Variants in PPP1R12B observed in about 807,000 individuals in gnomAD.
PPP1R12B encodes the protein myosin phosphatase target subunit 2.
In PPP1R12B, 76 loss-of-function variants were observed where a neutral mutation model predicts 126.1. The ratio of observed to expected loss-of-function variants is 0.60; its 90% CI spans 0.50 to 0.73. The LOEUF (loss-of-function observed/expected upper bound fraction) is 0.73, where lower values mean the gene tolerates loss of function less well. Ranked by LOEUF, PPP1R12B falls within the 30% of genes least tolerant of loss-of-function variation. The pLI, the probability that PPP1R12B is intolerant of heterozygous loss-of-function variation, is 0.00. For synonymous variants in PPP1R12B, 356 were observed against 434.7 expected (o/e 0.82, Z 2.25); for missense variants, 1,052 against 1,205.1 (o/e 0.87, Z 1.88).
chr1:202,513,836 G>A (rs1681811085), intron 18 of PPP1R12B, among the ~76,000 whole-genome samples: 1 of 152,142 alleles, frequency 6.6e-6, no homozygotes, highest in South Asian at 2.1e-4. Flanking sequence ...ACACAGTTTA[G>A]AACAGAGCCA....
At chr1:202,421,885 C>T (rs980029748) in intron 2 of PPP1R12B, among the ~76,000 whole-genome samples, 11 of 152,126 alleles carry the variant, frequency 7.2e-5, no homozygotes, top group African/African-American at 1.9e-4. Flanking sequence ...GCCATTTACC[C>T]GCTATGTGGT....
At chr1:202,476,060 T>A (rs1463009605) in intron 13 of PPP1R12B, among the ~76,000 whole-genome samples, 1 of 152,000 alleles carries the variant, frequency 6.6e-6, no homozygotes, top group African/African-American at 2.4e-5. Flanking sequence ...AAAAACTAGC[T>A]GAGTGTGGTG....
chr1:202,515,719 A>T (rs1682067700), intron 18 of PPP1R12B, among the ~76,000 whole-genome samples: 1 of 151,914 alleles, frequency 6.6e-6, no homozygotes, highest in South Asian at 2.1e-4. Context: ...ATGCCCAGCT[A>T]ATTCTTTTTA....
intron 13 of PPP1R12B, among the ~76,000 whole-genome samples, chr1:202,478,975 A>G (rs529350137): frequency 4.6e-5 from 7 of 152,234 alleles, no homozygotes; most frequent in Non-Finnish European, 1.0e-4. Flanking sequence ...AGAATTCAGT[A>G]TAATAGTGAT....
chr1:202,569,894 G>A (rs1688429023), intron 23 of PPP1R12B, among the ~76,000 whole-genome samples: 2 of 152,096 alleles, frequency 1.3e-5, no homozygotes, highest in Non-Finnish European at 2.9e-5. Context: ...GCTAAGAACT[G>A]GAAATCTACC....
chr1:202,360,895 T>C lies in PPP1R12B; in HGVS notation c.291+11753T>C, dbSNP rs1410443925. ...TTTCATATCTTTACCATTAGCTCTT[T>C]TTTTTTTTTTTTTGAGACGGAGTCT... is the stretch of plus-strand genomic sequence containing the variant. On this transcript the variant is annotated intron_variant, in intron 1 of 23. Transcript: ENST00000608999. Among the ~76,000 whole-genome samples, 7 of 146,364 alleles carry C rather than the reference T, an allele frequency of 4.8e-5. No homozygotes were observed. The East Asian group carries it at 1.4e-3, about 29-fold the overall frequency.
At chr1:202,519,824 A>G (rs1682581395) in intron 18 of PPP1R12B, among the ~76,000 whole-genome samples, 1 of 152,164 alleles carries the variant, frequency 6.6e-6, no homozygotes, top group Non-Finnish European at 1.5e-5. Context: ...AGCTATTAGA[A>G]ACAGACATGT....
At chr1:202,569,006 C>A in intron 22 of PPP1R12B, 141 bp from the exon 23 acceptor site, 1 of 779,702 alleles carries the variant, frequency 1.3e-6, no homozygotes, top group Non-Finnish European at 2.1e-6. Flanking sequence ...AGATAGTGCT[C>A]AGATCTCCTG....
intron 1 of PPP1R12B, among the ~76,000 whole-genome samples, chr1:202,379,241 G>C (rs2148481720): frequency 6.6e-6 from 1 of 152,204 alleles, no homozygotes; most frequent in South Asian, 2.1e-4. Flanking sequence ...TTCTCTTCTT[G>C]AAAAGAAATA....
At chr1:202,566,928 C>G (rs1330422083) in intron 21 of PPP1R12B, among the ~76,000 whole-genome samples, 4 of 152,184 alleles carry the variant, frequency 2.6e-5, no homozygotes, top group Non-Finnish European at 4.4e-5. Flanking sequence ...TAAATGTCTA[C>G]TGAATGTAAG....
chr1:202,380,603 C>G (rs951076759), intron 1 of PPP1R12B, among the ~76,000 whole-genome samples: 2 of 152,274 alleles, frequency 1.3e-5, no homozygotes, highest in African/African-American at 2.4e-5. Context: ...CTCAACACCC[C>G]CCCCATTCCT....
intron 21 of PPP1R12B, among the ~76,000 whole-genome samples, chr1:202,566,022 A>C (rs1425135373): frequency 6.6e-6 from 1 of 152,200 alleles, no homozygotes; most frequent in African/African-American, 2.4e-5. Context: ...GGTTCTTGTC[A>C]GTTATTACTA....
At chr1:202,566,637 G>A (rs753837497) in intron 21 of PPP1R12B, among the ~76,000 whole-genome samples, 11 of 152,126 alleles carry the variant, frequency 7.2e-5, no homozygotes, top group Non-Finnish European at 1.5e-4. Context: ...AGACTTACGA[G>A]GATATTAACA....
At chr1:202,528,596 A>G (rs554759517) in intron 18 of PPP1R12B, among the ~76,000 whole-genome samples, 13 of 152,312 alleles carry the variant, frequency 8.5e-5, no homozygotes, top group African/African-American at 3.1e-4. Flanking sequence ...GTGGAATTGC[A>G]CTGGCATTGC....
At chr1:202,350,203 A>G (rs1655684239) in intron 1 of PPP1R12B, among the ~76,000 whole-genome samples, 1 of 152,182 alleles carries the variant, frequency 6.6e-6, no homozygotes, top group Non-Finnish European at 1.5e-5. Context: ...CAACCCTTCT[A>G]TTTCAGGTAG....
chr1:202,566,168 C>T (rs1193928931), intron 21 of PPP1R12B, among the ~76,000 whole-genome samples: 1 of 152,202 alleles, frequency 6.6e-6, no homozygotes, highest in Non-Finnish European at 1.5e-5. Context: ...AGCATTTCCA[C>T]CAGCCCATGC....
intron 2 of PPP1R12B, among the ~76,000 whole-genome samples, chr1:202,418,606 C>T (rs911251291): frequency 5.9e-5 from 9 of 152,132 alleles, no homozygotes; most frequent in African/African-American, 2.2e-4. Flanking sequence ...GTGAGAGCTA[C>T]TGTTTCCTAA....
intron 18 of PPP1R12B, among the ~76,000 whole-genome samples, chr1:202,526,936 A>T (rs368292991): frequency 6.6e-6 from 1 of 152,332 alleles, no homozygotes; most frequent in African/African-American, 2.4e-5. Context: ...TAGAGTAGCT[A>T]AAGAGAGAAA....
rs1408313610 is a variant in PPP1R12B at position 202,508,671 on chromosome 1, G to T, written c.2490+11849G>T. On this transcript the variant is annotated intron_variant, in intron 18 of 23. Transcript: ENST00000608999. The surrounding 1 kb of genome is among the most constrained non-coding windows in gnomAD (Gnocchi z 4.5). ...ATATGCCAAATGGGCGAAACATGGG[G>T]CTGTTTATGGTGACTGAATGCTGTA... Among the ~76,000 whole-genome samples the T allele has an allele frequency of 3.9e-5, 6 of 152,170 alleles. No homozygotes were observed. The highest frequency in any genetic ancestry group is 1.4e-4 in the African/African-American group (6 of 41,418).
Sources: gnomAD v4.1 joint callset for allele counts (sites outside exome capture counted in the v4.1 genomes callset) on GRCh38, gnomAD v4.1.1 for gene constraint, Gnocchi (gnomAD v3.1) non-coding constraint, MANE v1.5 for transcripts, NCBI Gene and HGNC (gene_info 2026-07-23, HGNC 2026-07-21) for gene names.